Variants in NETO2 observed in about 807,000 individuals in gnomAD.
NETO2 encodes the protein neuropilin and tolloid like 2, also known as neuropilin and tolloid-like protein 2.
In NETO2, 28 loss-of-function variants were observed where a neutral mutation model predicts 62.5. The ratio of observed to expected loss-of-function variants is 0.45; its 90% CI spans 0.33 to 0.61. NETO2 has a LOEUF of 0.61. Ranked by LOEUF, NETO2 falls within the 20% of genes least tolerant of loss-of-function variation. The pLI is 0.02. For synonymous variants in NETO2, 214 were observed against 219.1 expected, an observed-to-expected ratio of 0.98 and a Z score of 0.21; for missense variants, 548 against 643.2, an observed-to-expected ratio of 0.85 and a Z score of 1.60.
At chr16:47,124,638 A>G (rs1236553872) in intron 4 of NETO2, among the ~76,000 whole-genome samples, 1 of 152,210 alleles carries the variant, frequency 6.6e-6, no homozygotes, top group Non-Finnish European at 1.5e-5. Context: ...ACATTTTAAT[A>G]AGGCTTTTCT....
intron 4 of NETO2, among the ~76,000 whole-genome samples, chr16:47,124,085 T>C (rs1045221101): frequency 6.6e-6 from 1 of 152,252 alleles, no homozygotes; most frequent in Admixed American, 6.5e-5. Flanking sequence ...CCAGATACTT[T>C]AGGAAGTTAT....
rs1220931495 is a variant in NETO2 at position 47,079,735 on chromosome 16, C to T, written c.*3486G>A. On this transcript the variant is annotated 3_prime_UTR_variant, in exon 9 of 9. Transcript: ENST00000562435. ...TTAAAACCACCAAAAACTCAATGAT[C>T]CTTCTGGGTCTAATCAGTGTGATTC... The T allele has an allele frequency of 1.3e-5, 2 of 152,210 alleles. No homozygotes were observed. Among genetic ancestry groups the T allele is most frequent in the African/African-American group, 4.8e-5 (2 of 41,436 alleles). 9.4% of individuals were successfully genotyped at this position (152,210 alleles called of 1,614,324 possible).
chr16:47,138,314 C>T (rs373713120), intron 1 of NETO2, among the ~76,000 whole-genome samples: 12 of 152,272 alleles, frequency 7.9e-5, no homozygotes, highest in East Asian at 7.7e-4. Context: ...GCAGGAGAAT[C>T]GCTTGAACCT....
At chr16:47,135,159 T>C (rs892070790) in intron 1 of NETO2, among the ~76,000 whole-genome samples, 8 of 152,258 alleles carry the variant, frequency 5.3e-5, no homozygotes, top group Non-Finnish European at 1.2e-4. Flanking sequence ...CTGAGTTGTA[T>C]AACAAGGTCT....
At chr16:47,101,000 AAAG>A (rs1373100852) in intron 7 of NETO2, among the ~76,000 whole-genome samples, 1 of 152,188 alleles carries the variant, frequency 6.6e-6, no homozygotes, top group African/African-American at 2.4e-5. Context: ...ACACAACAAA[AAAG>A]AAAATTTCAG....
chr16:47,125,839 C>T (rs1263831985), intron 4 of NETO2, among the ~76,000 whole-genome samples: 1 of 152,192 alleles, frequency 6.6e-6, no homozygotes, highest in Non-Finnish European at 1.5e-5. Flanking sequence ...GACACGTGTG[C>T]ACCACACGCC....
intron 4 of NETO2, among the ~76,000 whole-genome samples, chr16:47,126,470 G>C (rs1226816106): frequency 6.6e-6 from 1 of 152,168 alleles, no homozygotes; most frequent in Non-Finnish European, 1.5e-5. Context: ...CAGTGGTTTG[G>C]GGAAAGGGAG....
chr16:47,123,705 T>C (rs1964091078), intron 4 of NETO2, among the ~76,000 whole-genome samples: 1 of 152,206 alleles, frequency 6.6e-6, no homozygotes, highest in Admixed American at 6.5e-5. Context: ...TATTTATTTT[T>C]GTTTATTTTT....
intron 1 of NETO2, among the ~76,000 whole-genome samples, chr16:47,136,047 T>C (rs1055140222): frequency 5.3e-5 from 8 of 152,194 alleles, no homozygotes; most frequent in Non-Finnish European, 1.0e-4. Context: ...GGCCATACAT[T>C]TAATATTTTA....
At chr16:47,107,184 T>A (rs1051161029) in intron 7 of NETO2, among the ~76,000 whole-genome samples, 9 of 152,232 alleles carry the variant, frequency 5.9e-5, no homozygotes, top group Admixed American at 5.9e-4. Context: ...TCTGCTCATT[T>A]GTGCAAAAAG....
intron 7 of NETO2, among the ~76,000 whole-genome samples, chr16:47,087,610 A>G (rs940582721): frequency 1.3e-5 from 2 of 152,158 alleles, no homozygotes; most frequent in Non-Finnish European, 2.9e-5. Context: ...TGTTATGTAT[A>G]TTTTACCCAT....
At position 47,131,953 on chromosome 16, in the gene NETO2, A is replaced by G. The variant is rs775810110; in HGVS notation, c.91+16T>C. The G allele has an allele frequency of 5.0e-6, 8 of 1,606,232 alleles. No homozygotes were observed. The African/African-American group carries it at 5.4e-5, about 11-fold the overall frequency. On this transcript the variant is annotated intron_variant, in intron 2 of 8. Transcript: ENST00000562435. ...TGTCTTAAACATGCAGTAAGTCACC[A>G]ATGTAAGTACTTTACCTTGGGTTTT...
intron 1 of NETO2, among the ~76,000 whole-genome samples, chr16:47,136,168 TA>T (rs770553109): frequency 2.6e-5 from 4 of 152,058 alleles, no homozygotes; most frequent in Non-Finnish European, 5.9e-5. Context: ...ATAGAATAAA[TA>T]AAAACAATAT....
chr16:47,107,818 C>T (rs1023066262), intron 7 of NETO2, among the ~76,000 whole-genome samples: 1 of 152,134 alleles, frequency 6.6e-6, no homozygotes, highest in African/African-American at 2.4e-5. Flanking sequence ...TCTGGTCACC[C>T]AGGCTGGAGT....
intron 8 of NETO2, 59 bp from the exon 9 acceptor site, chr16:47,083,860 A>AATTAATT: frequency 7.8e-7 from 1 of 1,282,784 alleles, no homozygotes; most frequent in Non-Finnish European, 1.1e-6. Context: ...GAATCCTGGT[A>AATTAATT]CAAATTAGTA....
rs576313653 is a variant in NETO2 at position 47,105,366 on chromosome 16, T to C, written c.883+4117A>G. On this transcript the variant is annotated intron_variant, in intron 7 of 8. Transcript: ENST00000562435. ...CAAATACATCAAAGACTTAAATGTA[T>C]TACAAGAGCTAAAACTATAAAACTC... 7.9e-5 allele frequency among the ~76,000 whole-genome samples: 12 copies of C among 152,274 alleles called. No homozygotes were observed. In the Middle Eastern group the frequency reaches 0.01, roughly 129 times the overall value.
rs989116172 is a variant in NETO2, at chr16:47,078,779, C to G, written c.*4442G>C. 5 of 152,112 alleles carry G rather than the reference C, an allele frequency of 3.3e-5. No homozygotes were observed. The highest frequency in any genetic ancestry group is 1.2e-4 in the African/African-American group (5 of 41,410). The allele number at this position is 152,112 out of a possible 1,614,324, so 9.4% of individuals were successfully genotyped here. Reference sequence around the variant, plus strand: ...CACAGGAGCTCTTCCTGCCTAGTATCGAGCCTGTATACTGTTAACAAACAT... The same window carrying G: ...CACAGGAGCTCTTCCTGCCTAGTATGGAGCCTGTATACTGTTAACAAACAT... On this transcript the variant is annotated 3_prime_UTR_variant, in exon 9 of 9. Coordinates refer to ENST00000562435, the MANE Select transcript of NETO2 (RefSeq NM_018092.5).
chr16:47,083,733 C>G lies in NETO2; in HGVS notation c.1066G>C (p.Gly356Arg). Residue 356 changes from glycine to arginine, a missense_variant, in exon 9 of 9, where the codon GGG (glycine) becomes CGG (arginine). Transcript: ENST00000562435. ...THGTIIGITSGIVLVLLIISI... is the reference protein window; with the variant it reads ...THGTIIGITSRIVLVLLIISI... ...ATAATGAGAAGGACCAAGACAATCC[C>G]TGAAGTAATGCCAATAATTGTTCCA... 6.2e-7 allele frequency: 1 copy of G among 1,613,708 alleles called. No homozygotes were observed.
At chr16:47,136,618 C>T (rs1032664544) in intron 1 of NETO2, among the ~76,000 whole-genome samples, 10 of 152,012 alleles carry the variant, frequency 6.6e-5, no homozygotes, top group Admixed American at 2.6e-4. Flanking sequence ...GTTGGCCAGG[C>T]TGGTCTCAAA....
Sources: allele counts gnomAD v4.1 joint callset (sites outside exome capture counted in the v4.1 genomes callset), GRCh38; gene constraint gnomAD v4.1.1; transcripts MANE v1.5; gene names NCBI Gene and HGNC (gene_info 2026-07-23, HGNC 2026-07-21).